CPA6: variants seen among roughly 807,000 people sequenced by gnomAD.
The protein encoded by CPA6 is carboxypeptidase A6, also known as carboxypeptidase B.
In CPA6, 58 loss-of-function variants were observed where a neutral mutation model predicts 63.3. The ratio of observed to expected loss-of-function variants is 0.92; its 90% CI spans 0.74 to 1.14. The LOEUF is 1.14. Among genes scored for constraint, CPA6 ranks in the 50% most tolerant of loss-of-function variants. CPA6 has a pLI of 0.00. For synonymous variants in CPA6, 185 were observed against 179.0 expected (o/e 1.03, Z -0.27); for missense variants, 565 against 526.6 (o/e 1.07, Z -0.71).
At chr8:67,580,247 T>C (rs1206025868) in intron 2 of CPA6, among the ~76,000 whole-genome samples, 1 of 152,250 alleles carries the variant, frequency 6.6e-6, no homozygotes, top group Non-Finnish European at 1.5e-5. Context: ...CTGGCAGCTG[T>C]TAAGCTGTGG....
At chr8:67,487,719 G>A (rs1353340488) in intron 6 of CPA6, among the ~76,000 whole-genome samples, 1 of 152,166 alleles carries the variant, frequency 6.6e-6, no homozygotes, top group Non-Finnish European at 1.5e-5. Flanking sequence ...TCCAGCATCT[G>A]TTGTTTCCTG....
rs147340113 is a variant in CPA6, at chr8:67,559,807, A to G, written c.193-41760T>C. Among the ~76,000 whole-genome samples the G allele has an allele frequency of 5.3e-5, 8 of 151,958 alleles. No homozygotes were observed. In the East Asian group the frequency reaches 1.4e-3, roughly 26 times the overall value. ...GAAATTTGTCTGTAGCCTCATAAAC[A>G]GGATTCTATACAATGGGGCTTTCTA... On this transcript the variant is annotated intron_variant, in intron 2 of 10. Coordinates refer to ENST00000297770, the MANE Select transcript of CPA6 (RefSeq NM_020361.5).
At chr8:67,599,332 A>T (rs1450441520) in intron 2 of CPA6, among the ~76,000 whole-genome samples, 2 of 152,160 alleles carry the variant, frequency 1.3e-5, no homozygotes, top group African/African-American at 2.4e-5. Flanking sequence ...CATGCTGGAC[A>T]TGTTCTGTGT....
chr8:67,433,736 G>A (rs1361687620), intron 9 of CPA6, among the ~76,000 whole-genome samples: 2 of 152,164 alleles, frequency 1.3e-5, no homozygotes, highest in African/African-American at 2.4e-5. Context: ...GCAGCACTAC[G>A]GTTAAAAGCA....
intron 6 of CPA6, among the ~76,000 whole-genome samples, chr8:67,491,930 T>C (rs4386963): frequency 0.14 from 21,178 of 152,200 alleles, 4,035 homozygotes; most frequent in African/African-American, 0.43. Context: ...GTTACTACTG[T>C]GCATCTCATA....
At chr8:67,584,880 G>A (rs1033564025) in intron 2 of CPA6, among the ~76,000 whole-genome samples, 1 of 152,188 alleles carries the variant, frequency 6.6e-6, no homozygotes, top group African/African-American at 2.4e-5. Context: ...CAACATCTCC[G>A]ATGTGGTTGT....
At chr8:67,560,021 C>CA (rs1178516619) in intron 2 of CPA6, among the ~76,000 whole-genome samples, 1 of 151,914 alleles carries the variant, frequency 6.6e-6, no homozygotes, top group African/African-American at 2.4e-5. Flanking sequence ...AATCTGTTGG[C>CA]ACCTTGATCT....
intron 1 of CPA6, among the ~76,000 whole-genome samples, chr8:67,681,252 G>A (rs1816590647): frequency 8.0e-6 from 1 of 124,484 alleles, no homozygotes; most frequent in Admixed American, 8.3e-5. Context: ...GCCCAGGCCG[G>A]ACTGCGGACT....
chr8:67,591,388 T>A (rs974699087), intron 2 of CPA6, among the ~76,000 whole-genome samples: 1 of 152,200 alleles, frequency 6.6e-6, no homozygotes, highest in African/African-American at 2.4e-5. Flanking sequence ...TGGTTCCATA[T>A]GAACTTTAAA....
chr8:67,714,895 T>C (rs971656730), intron 1 of CPA6, among the ~76,000 whole-genome samples: 7 of 152,270 alleles, frequency 4.6e-5, no homozygotes, highest in Middle Eastern at 6.8e-3. Context: ...CATTTGAGAA[T>C]TTAAAAATAT....
At chr8:67,637,981 T>TTG (rs3055710) in intron 1 of CPA6, among the ~76,000 whole-genome samples, 2,373 of 146,620 alleles carry the variant, frequency 0.016, 94 homozygotes, top group East Asian at 0.12. Flanking sequence ...GCTAGAAATT[T>TTG]TGTGTGTGTG....
At chr8:67,656,691 G>A (rs935883175) in intron 1 of CPA6, among the ~76,000 whole-genome samples, 5 of 152,174 alleles carry the variant, frequency 3.3e-5, no homozygotes, top group African/African-American at 1.2e-4. Flanking sequence ...GAGCCTTGGA[G>A]GGATTCAATG....
At chr8:67,582,325 G>A (rs929581376) in intron 2 of CPA6, among the ~76,000 whole-genome samples, 19 of 152,284 alleles carry the variant, frequency 1.2e-4, no homozygotes, top group African/African-American at 4.1e-4. Flanking sequence ...ATGGGAGCAC[G>A]TAGCCTATGA....
intron 2 of CPA6, among the ~76,000 whole-genome samples, chr8:67,556,201 T>C (rs900657295): frequency 6.6e-6 from 1 of 152,200 alleles, no homozygotes; most frequent in Non-Finnish European, 1.5e-5. Context: ...AAGGGATTTA[T>C]TATGGGAGAT....
chr8:67,425,641 TG>T, intron 10 of CPA6, among the ~76,000 whole-genome samples: 1 of 152,314 alleles, frequency 6.6e-6, no homozygotes, highest in Middle Eastern at 3.4e-3. Flanking sequence ...TCCAAAGTGC[TG>T]GGATTATAGG....
At chr8:67,649,921 C>T (rs973386014) in intron 1 of CPA6, among the ~76,000 whole-genome samples, 8 of 152,234 alleles carry the variant, frequency 5.3e-5, no homozygotes, top group East Asian at 3.9e-4. Context: ...GGAGAAGTAA[C>T]GACACCAGTT....
In CPA6 at chr8:67,520,630, T is replaced by C. The variant is rs144239193; in HGVS notation, c.193-2583A>G. 2.5e-3 allele frequency among the ~76,000 whole-genome samples: 379 copies of C among 152,332 alleles called. 2 individuals carry two copies. Among genetic ancestry groups the C allele is most frequent in the African/African-American group, 8.3e-3 (347 of 41,572 alleles). ...CATCTGAGATTTATAATGTTTCATC[T>C]ACTTTATAGATATCTTTAATCTTTT... On this transcript the variant is annotated intron_variant, in intron 2 of 10. Transcript: ENST00000297770.
intron 1 of CPA6, among the ~76,000 whole-genome samples, chr8:67,627,298 G>A (rs1815214248): frequency 6.6e-6 from 1 of 152,188 alleles, no homozygotes; most frequent in South Asian, 2.1e-4. Flanking sequence ...CTGATAGCTA[G>A]TGTTTTTTGA....
At chr8:67,666,037 A>C (rs774522488) in intron 1 of CPA6, among the ~76,000 whole-genome samples, 21 of 152,216 alleles carry the variant, frequency 1.4e-4, no homozygotes, top group South Asian at 2.1e-4. Context: ...TATCATTTGC[A>C]TTTCAGAACT....
Sources: allele counts gnomAD v4.1 joint callset (sites outside exome capture counted in the v4.1 genomes callset), GRCh38; gene constraint gnomAD v4.1.1; transcripts MANE v1.5; gene names NCBI Gene and HGNC (gene_info 2026-07-23, HGNC 2026-07-21).